The following FBN3 variants were observed in gnomAD, a reference collection of about 807,000 sequenced individuals.
FBN3 encodes the protein fibrillin-3.
FBN3 carries 234 observed loss-of-function variants against 330.1 expected under a neutral mutation model. The observed-to-expected ratio is 0.71, with a 90% CI of 0.64 to 0.79. The LOEUF is 0.79. Among genes scored for constraint, FBN3 ranks in the 30% least tolerant of loss-of-function variants. The pLI is 0.00. For synonymous variants in FBN3, 1,458 were observed against 1,517.3 expected, an observed-to-expected ratio of 0.96 and a Z score of 0.91; for missense variants, 3,606 against 3,886.9, an observed-to-expected ratio of 0.93 and a Z score of 1.92.
Position 8,075,087 on chromosome 19 carries a change from C to T in FBN3, c.7686G>A (p.Gln2562=). The part of the protein sequence containing the change: ...SCPQGFTQHS[Q]WAQCVDENEC... ...TTCACTCACCCACACACTGGGCCCACTGGGAGTGCTGGGTGAAACCCTGGG... is the reference window on the plus strand; with the variant it reads ...TTCACTCACCCACACACTGGGCCCATTGGGAGTGCTGGGTGAAACCCTGGG... The change falls in exon 61 of 64, where the codon CAG becomes CAA. Residue 2562 remains glutamine (Q), a synonymous_variant. Transcript: ENST00000600128. The T allele has an allele frequency of 6.2e-7, 1 of 1,601,510 alleles. No individual in the cohort carries two copies. Among genetic ancestry groups the T allele is most frequent in the Middle Eastern group, 1.7e-4 (1 of 5,816 alleles).
chr19:8,124,317 C>T (rs2082927773), intron 22 of FBN3, among the ~76,000 whole-genome samples: 1 of 152,204 alleles, frequency 6.6e-6, no homozygotes. Flanking sequence ...AATCTCAGCT[C>T]ACCATAACCT....
At chr19:8,076,197 A>T (rs1599268970) in intron 59 of FBN3, among the ~76,000 whole-genome samples, 1 of 151,396 alleles carries the variant, frequency 6.6e-6, no homozygotes, top group Non-Finnish European at 1.5e-5. Flanking sequence ...AATGGAAAAA[A>T]AAATAAATCT....
chr19:8,135,935 T>TGGGGGGGGGGGGGGGGGGGGGGG, intron 13 of FBN3, 26 bp downstream of exon 13: 15 of 1,344,150 alleles, frequency 1.1e-5, no homozygotes, highest in Non-Finnish European at 1.3e-5. Context: ...CGGAAGCCCC[T>TGGGGGGGGGGGGGGGGGGGGGGG]GCCCACCCGC....
chr19:8,089,980 G>C (rs1477434792), intron 49 of FBN3, 21 bp from the exon 50 acceptor site: 1 of 1,596,278 alleles, frequency 6.3e-7, no homozygotes, highest in South Asian at 1.1e-5. Flanking sequence ...AGGGGGAGGG[G>C]AGTCAGAGTC....
chr19:8,131,343 T>C lies in FBN3; in HGVS notation c.1991-55A>G. On this transcript the variant is annotated intron_variant, in intron 15 of 63. Coordinates refer to ENST00000600128, the MANE Select transcript of FBN3 (RefSeq NM_032447.5). The surrounding 1 kb of genome is among the most constrained non-coding windows in gnomAD (Gnocchi z 4.5). ...TCAGGGAGCTTAGCCATGGCTCGGA[T>C]TCAGCCACAGGCAAGGATGAGGCCC... The C allele has an allele frequency of 6.3e-7, 1 of 1,588,076 alleles. No homozygotes were observed. Among genetic ancestry groups the C allele is most frequent in the Non-Finnish European group, 8.6e-7 (1 of 1,161,864 alleles).
rs1189041333 is a variant in FBN3 at position 8,100,813 on chromosome 19, GA to G, written c.5161+87del. ...GGGAGGATGGAGGAGTGGATGTAAG[GA>G]AAAGAGCTGTTGAGGAGGGGAGGGG... On this transcript the variant is annotated intron_variant, in intron 41 of 63. Coordinates refer to ENST00000600128, the MANE Select transcript of FBN3 (RefSeq NM_032447.5). 35 of 1,015,454 alleles carry G rather than the reference GA, an allele frequency of 3.4e-5. No homozygotes were observed. In the East Asian group the frequency reaches 8.3e-4, roughly 24 times the overall value. 62.9% of individuals were successfully genotyped at this position (1,015,454 alleles called of 1,614,324 possible). A position where few individuals can be genotyped will look rare whatever the true frequency, so the allele number is the denominator to read the frequency against.
In FBN3 at chr19:8,131,916, C is replaced by A. The variant is rs780185760; in HGVS notation, c.1715-87G>T. The A allele has an allele frequency of 2.3e-5, 32 of 1,372,466 alleles. No homozygotes were observed. Among genetic ancestry groups the A allele is most frequent in the Non-Finnish European group, 3.0e-5 (31 of 1,043,058 alleles). 85.0% of individuals were successfully genotyped at this position (1,372,466 alleles called of 1,614,324 possible). A position where few individuals can be genotyped will look rare whatever the true frequency, so the allele number is the denominator to read the frequency against. On this transcript the variant is annotated intron_variant, in intron 14 of 63. Coordinates refer to ENST00000600128, the MANE Select transcript of FBN3 (RefSeq NM_032447.5). This position sits in a 1 kb window ranked among gnomAD's most constrained non-coding sequence, Gnocchi z 4.5. ...CCATCTCCCAACATTTCCATCTTCC[C>A]AGCCATTCTATTTCTTTCCTTTCCA...
At chr19:8,106,023 C>G in intron 38 of FBN3, 85 bp downstream of exon 38, 1 of 1,550,160 alleles carries the variant, frequency 6.5e-7, no homozygotes, top group Non-Finnish European at 8.8e-7. Context: ...GCCTTCCCTC[C>G]TCTACCCTTG....
chr19:8,079,236 AGAGACTCCATCTC>A (rs1333043153), intron 59 of FBN3, among the ~76,000 whole-genome samples: 1 of 152,172 alleles, frequency 6.6e-6, no homozygotes, highest in Non-Finnish European at 1.5e-5. Flanking sequence ...AGAGTCATTA[AGAGACTCCATCTC>A]TAAGAAACAA....
In FBN3 at chr19:8,081,044, C is replaced by A; in HGVS notation, c.7412G>T (p.Arg2471Leu). Reference sequence around the variant, plus strand: ...GTGCTGGGTGAAGCCGGGCGGACAGCGGCAGGTGAAGGCGCCCACAGTGTT... The same window carrying A: ...GTGCTGGGTGAAGCCGGGCGGACAGAGGCAGGTGAAGGCGCCCACAGTGTT... ...CVNTVGAFTC[R>L]CPPGFTQHHQ... The change falls in exon 59 of 64, where the codon CGC becomes CTC. Residue 2471 changes from arginine (R) to leucine (L), a missense_variant. By Grantham distance (102) the Arg-to-Leu change is moderately radical. Coordinates refer to ENST00000600128, the MANE Select transcript of FBN3 (RefSeq NM_032447.5). The A allele has an allele frequency of 6.2e-7, 1 of 1,613,298 alleles. No homozygotes were observed. Among genetic ancestry groups the A allele is most frequent in the Non-Finnish European group, 8.5e-7 (1 of 1,179,886 alleles).
chr19:8,144,392 C>CAA lies in FBN3; in HGVS notation c.541+483_541+484dup, dbSNP rs71286221. On this transcript the variant is annotated intron_variant, in intron 6 of 63. Coordinates refer to ENST00000600128, the MANE Select transcript of FBN3 (RefSeq NM_032447.5). ...AGCCCGAAAGAGCAAAACTTTGTCT[C>CAA]AAAAAAAAAAGAGAGAATTAGGGTG... is the stretch of plus-strand genomic sequence containing the variant. 6.5e-3 allele frequency among the ~76,000 whole-genome samples: 962 copies of CAA among 147,548 alleles called. 15 individuals carry two copies. Among genetic ancestry groups the CAA allele is most frequent in the African/African-American group, 0.023 (919 of 40,102 alleles).
At chr19:8,132,017 C>G (rs961762338) in intron 14 of FBN3, among the ~76,000 whole-genome samples, 188 bp from the exon 15 acceptor site, 3 of 152,124 alleles carry the variant, frequency 2.0e-5, no homozygotes, top group Non-Finnish European at 4.4e-5. Context: ...CTTCTCCTCT[C>G]CCATTATTCC....
rs1280806137 is a variant in FBN3 at position 8,086,434 on chromosome 19, TATTTTA to T, written c.6755-115_6755-110del. On this transcript the variant is annotated intron_variant, in intron 54 of 63. Transcript: ENST00000600128. ...CTGCCCAGGCCCTCTTGCTTATTTT[TATTTTA>T]TTTATTTTTATTATTATTATTATTA... 1.5e-4 allele frequency: 64 copies of T among 426,718 alleles called. No homozygotes were observed. The East Asian group carries it at 2.6e-3, about 17-fold the overall frequency. The allele number at this position is 426,718 out of a possible 1,614,324, so 26.4% of individuals were successfully genotyped here. A position where few individuals can be genotyped will look rare whatever the true frequency, so the allele number is the denominator to read the frequency against.
chr19:8,126,979 G>A, intron 18 of FBN3, 147 bp from the exon 19 acceptor site: 3 of 797,754 alleles, frequency 3.8e-6, no homozygotes, highest in Middle Eastern at 3.8e-4. Flanking sequence ...GGAATCAAAT[G>A]TGCATGCAAG....
At chr19:8,097,033 G>T in intron 42 of FBN3, 27 bp from the exon 43 acceptor site, 1 of 1,605,720 alleles carries the variant, frequency 6.2e-7, no homozygotes. Flanking sequence ...AATGAGGTGG[G>T]GGTGACAGAG....
chr19:8,099,899 AC>A (rs2082290963), intron 41 of FBN3, among the ~76,000 whole-genome samples: 1 of 151,410 alleles, frequency 6.6e-6, no homozygotes, highest in Non-Finnish European at 1.5e-5. Flanking sequence ...AATCTCAGCT[AC>A]TCGGGAGGCT....
At position 8,126,313 on chromosome 19, in the gene FBN3, C is replaced by G. The variant is rs762949966; in HGVS notation, c.2589G>C (p.Thr863=). 1 of 1,589,050 alleles carries G rather than the reference C, an allele frequency of 6.3e-7. No homozygotes were observed. The highest frequency in any genetic ancestry group is 8.5e-7 in the Non-Finnish European group (1 of 1,169,886). ...GGCAGTTACCATCGCAGGTGACACC[C>G]GTCATCCGGGCAAAGCCCCGGGCAC... ...PACARGFARM[T]GVTCDDVNEC... Residue 863 remains threonine, a synonymous_variant, in exon 21 of 64, where the codon ACG becomes ACC. Coordinates refer to ENST00000600128, the MANE Select transcript of FBN3 (RefSeq NM_032447.5).
intron 5 of FBN3, among the ~76,000 whole-genome samples, chr19:8,145,597 C>T (rs934878520): frequency 1.7e-4 from 23 of 136,902 alleles, no homozygotes; most frequent in African/African-American, 6.1e-4. Context: ...AGGAGAATGG[C>T]GTGAACCTGG....
Position 8,112,087 on chromosome 19 carries a change from C to T in FBN3, c.3851G>A (p.Cys1284Tyr). The T allele has an allele frequency of 6.2e-7, 1 of 1,613,466 alleles. No individual in the cohort carries two copies. The highest frequency in any genetic ancestry group is 8.5e-7 in the Non-Finnish European group (1 of 1,179,748). The part of the protein sequence containing the change: ...GATGCSDVDE[C>Y]EVGGHNCDSH... ...GTCACAGTTGTGTCCTCCAACCTCG[C>T]ATTCATCCACATCTAAAGGGAGAGG... The change falls in exon 31 of 64, where the codon TGC (cysteine) becomes TAC (tyrosine). Residue 1284 changes from cysteine (C) to tyrosine (Y), a missense_variant. Physicochemically the swap from Cys to Tyr is radical, Grantham distance 194. Coordinates refer to ENST00000600128, the MANE Select transcript of FBN3 (RefSeq NM_032447.5).
Sources: allele counts gnomAD v4.1 joint callset (sites outside exome capture counted in the v4.1 genomes callset), GRCh38; gene constraint gnomAD v4.1.1; non-coding constraint Gnocchi (gnomAD v3.1); transcripts MANE v1.5; gene names NCBI Gene and HGNC (gene_info 2026-07-23, HGNC 2026-07-21).